TTC14: variants seen among roughly 807,000 people sequenced by gnomAD.
The protein encoded by TTC14 is tetratricopeptide repeat protein 14.
A neutral mutation model predicts 79.9 loss-of-function variants in TTC14; 63 were observed. The ratio of observed to expected loss-of-function variants is 0.79; its 90% CI spans 0.64 to 0.97. The LOEUF (loss-of-function observed/expected upper bound fraction) is 0.97, where lower values mean the gene tolerates loss of function less well. TTC14 is among the 50% of genes least tolerant of loss of function. The pLI, the probability that TTC14 is intolerant of heterozygous loss-of-function variation, is 0.00. For missense variants in TTC14, 895 were observed against 894.0 expected (o/e 1.00, Z -0.01); for synonymous variants, 335 against 309.6 (o/e 1.08, Z -0.86).
chr3:180,603,475 T>G, intron 3 of TTC14, 152 bp downstream of exon 3: 1 of 694,946 alleles, frequency 1.4e-6, no homozygotes, highest in Non-Finnish European at 2.4e-6. Flanking sequence ...TTAAAAAAAT[T>G]AGTGTAAGTT....
At chr3:180,607,554 T>A in intron 9 of TTC14, 94 bp from the exon 10 acceptor site, 1 of 1,401,910 alleles carries the variant, frequency 7.1e-7, no homozygotes, top group Non-Finnish European at 9.3e-7. Context: ...GGCTTTTCCC[T>A]AATAAGCTCT....
intron 11 of TTC14, 82 bp from the exon 12 acceptor site, chr3:180,609,548 A>G: frequency 7.2e-7 from 1 of 1,383,498 alleles, no homozygotes; most frequent in Non-Finnish European, 9.4e-7. Flanking sequence ...AAATCTTTAA[A>G]GGAAACAAAT....
chr3:180,613,664 T>A (rs1717111475), downstream of TTC14: 1 of 341,602 alleles, frequency 2.9e-6, no homozygotes, highest in African/African-American at 2.2e-5. Context: ...TAGAAGAGTG[T>A]TTAATATTAC....
intron 10 of TTC14, chr3:180,608,286 A>G (rs771501683): frequency 1.1e-4 from 109 of 987,072 alleles, no homozygotes; most frequent in Admixed American, 1.8e-4. Flanking sequence ...GTATTTGAAC[A>G]TGGTGATTCC....
chr3:180,607,704 C>A lies in TTC14; in HGVS notation c.1229C>A (p.Ala410Asp). 6.2e-7 allele frequency: 1 copy of A among 1,612,102 alleles called. No homozygotes were observed. The highest frequency in any genetic ancestry group is 8.5e-7 in the Non-Finnish European group (1 of 1,179,124). ...NAESYYKKAL[A>D]LDETFKDAED... ...GAAAGTTACTATAAGAAAGCTTTGGCTTTGGATGAGACTTTTAAAGATGCA... is the reference window on the plus strand; with the variant it reads ...GAAAGTTACTATAAGAAAGCTTTGGATTTGGATGAGACTTTTAAAGATGCA... Residue 410 changes from alanine to aspartate, a missense_variant, in exon 10 of 12, where the codon GCT (alanine) becomes GAT (aspartate). Physicochemically the swap from Ala to Asp is moderately radical, Grantham distance 126 (BLOSUM62 -2). Coordinates refer to ENST00000296015, the MANE Select transcript of TTC14 (RefSeq NM_133462.4).
chr3:180,614,163 C>A (rs1351112028), downstream of TTC14: 1 of 168,466 alleles, frequency 5.9e-6, no homozygotes, highest in Non-Finnish European at 1.3e-5. Flanking sequence ...ATTTCTATTG[C>A]AAATCAAGTC....
downstream of TTC14, chr3:180,611,201 T>C (rs1322561431): frequency 5.1e-6 from 5 of 980,732 alleles, no homozygotes; most frequent in Non-Finnish European, 6.1e-6. Flanking sequence ...ATTTTGCTTA[T>C]TTCTCCATTA....
chr3:180,616,825 C>A, intron 12 of TTC14: 1 of 1,609,512 alleles, frequency 6.2e-7, no homozygotes, highest in East Asian at 2.2e-5. Flanking sequence ...GATATCGATA[C>A]CTGTTTGGTC....
chr3:180,614,985 G>GGGC (rs1560078359), downstream of TTC14: 1 of 1,565,786 alleles, frequency 6.4e-7, no homozygotes, highest in Non-Finnish European at 8.7e-7. Context: ...TGGCCTAGAA[G>GGGC]GGCTGCCTAC....
At position 180,605,805 on chromosome 3, in the gene TTC14, A is replaced by G. The variant is rs753207541; in HGVS notation, c.897A>G (p.Arg299=). The stretch of plus-strand genomic sequence containing the variant: ...AAGATGATTTTGCTTCTGCATTGAG[A>G]AAAAAACAATCCGCATCTTGGGCTT... The part of the protein sequence containing the change: ...FSEDDFASAL[R]KKQSASWALK... Residue 299 remains arginine (R), a synonymous_variant, in exon 7 of 12, where the codon AGA becomes AGG. Coordinates refer to ENST00000296015, the MANE Select transcript of TTC14 (RefSeq NM_133462.4). 6 of 1,571,408 alleles carry G rather than the reference A, an allele frequency of 3.8e-6. No individual in the cohort carries two copies. The highest frequency in any genetic ancestry group is 1.4e-5 in the African/African-American group (1 of 71,144).
In TTC14 at chr3:180,604,298, A is replaced by C. The variant is rs760772420; in HGVS notation, c.560A>C (p.Asp187Ala). ...CCTTTATCATATTACCAAACTGGTG[A>C]CATCATTCGAGGTGATTAGTTTCAT... ...GDPLSYYQTG[D>A]IIRAGIKDID... Residue 187 changes from aspartate (D) to alanine (A), a missense_variant, in exon 4 of 12, where the codon GAC becomes GCC. By Grantham distance (126) the Asp-to-Ala change is moderately radical. Transcript: ENST00000296015. The C allele has an allele frequency of 1.2e-6, 2 of 1,613,072 alleles. No homozygotes were observed. Among genetic ancestry groups the C allele is most frequent in the Non-Finnish European group, 8.5e-7 (1 of 1,179,606 alleles).
At chr3:180,609,534 T>C (rs1716872116) in intron 11 of TTC14, 96 bp from the exon 12 acceptor site, 1 of 1,365,788 alleles carries the variant, frequency 7.3e-7, no homozygotes, top group African/African-American at 1.5e-5. Flanking sequence ...CCACAGCTTT[T>C]ATAAAATCTT....
In TTC14 at chr3:180,607,740, T is replaced by G; in HGVS notation, c.1265T>G (p.Leu422Trp). 6.2e-7 allele frequency: 1 copy of G among 1,611,674 alleles called. No homozygotes were observed. Among genetic ancestry groups the G allele is most frequent in the Non-Finnish European group, 8.5e-7 (1 of 1,178,996 alleles). ...DETFKDAEDA[L>W]QKLHKYMQKS... is the part of the protein sequence containing the mutation. ...ACTTTTAAAGATGCAGAGGATGCTT[T>G]GCAGAAACTTCATAAATATATGCAG... Residue 422 changes from leucine to tryptophan, a missense_variant, in exon 10 of 12, where the codon TTG becomes TGG. By Grantham distance (61) the Leu-to-Trp change is moderately conservative. Coordinates refer to ENST00000296015, the MANE Select transcript of TTC14 (RefSeq NM_133462.4).
At chr3:180,614,021 A>T (rs935685432), downstream of TTC14, 1 of 333,442 alleles carries the variant, frequency 3.0e-6, no homozygotes, top group African/African-American at 2.2e-5. Context: ...ATTCTAATAC[A>T]TTTATTTAAA....
downstream of TTC14, chr3:180,615,033 T>A: frequency 6.4e-7 from 1 of 1,556,280 alleles, no homozygotes; most frequent in Non-Finnish European, 8.7e-7. Context: ...CTCCAGTACT[T>A]TAATTGAAGA....
downstream of TTC14, chr3:180,613,912 T>G (rs974820840): frequency 9.0e-6 from 4 of 442,158 alleles, no homozygotes; most frequent in Non-Finnish European, 1.8e-5. Flanking sequence ...CTACCACTAC[T>G]GCTTTTCAGA....
intron 1 of TTC14, 160 bp from the exon 2 acceptor site, chr3:180,602,731 G>T: frequency 1.2e-6 from 1 of 843,380 alleles, no homozygotes; most frequent in Non-Finnish European, 1.8e-6. Flanking sequence ...CCTCCAGGTT[G>T]GTTAATGAGG....
intron 7 of TTC14, 191 bp from the exon 8 acceptor site, chr3:180,606,062 C>A: frequency 1.2e-6 from 1 of 855,152 alleles, no homozygotes; most frequent in Non-Finnish European, 1.8e-6. Context: ...ATATTGATAT[C>A]TAGGTTTCAC....
rs746534854 is a variant in TTC14 at position 180,606,477 on chromosome 3, C to G, written c.1050-4C>G. ...AGCCCTCTATCTTTGTTTCATGTCT[C>G]TAGATATGCGACAAAAGGAAGTTTG... On this transcript the variant is annotated splice_region_variant and splice_polypyrimidine_tract_variant and intron_variant, in intron 8 of 11. Coordinates refer to ENST00000296015, the MANE Select transcript of TTC14 (RefSeq NM_133462.4). 3 of 1,613,666 alleles carry G rather than the reference C, an allele frequency of 1.9e-6. No homozygotes were observed. The highest frequency in any genetic ancestry group is 2.5e-6 in the Non-Finnish European group (3 of 1,179,882).
Sources: gnomAD v4.1 joint callset for allele counts on GRCh38, gnomAD v4.1.1 for gene constraint, MANE v1.5 for transcripts, NCBI Gene and HGNC (gene_info 2026-07-23, HGNC 2026-07-21) for gene names.